CFAP74: variants seen among roughly 807,000 people sequenced by gnomAD.
CFAP74 encodes cilia and flagella associated protein 74.
CFAP74 carries 124 observed loss-of-function variants against 188.9 expected under a neutral mutation model. That is an observed-to-expected ratio of 0.66 (90% confidence interval 0.57 to 0.76). The LOEUF (loss-of-function observed/expected upper bound fraction) is 0.76, where lower values mean the gene tolerates loss of function less well. Ranked by LOEUF, CFAP74 falls within the 30% of genes least tolerant of loss-of-function variation. The pLI is 0.00. For missense variants in CFAP74, 2,198 were observed against 2,165.2 expected, an observed-to-expected ratio of 1.02 and a Z score of -0.30; for synonymous variants, 956 against 916.7, an observed-to-expected ratio of 1.04 and a Z score of -0.77.
chr1:1,936,207 T>G (rs1570850563), intron 25 of CFAP74, among the ~76,000 whole-genome samples: 1 of 129,024 alleles, frequency 7.8e-6, no homozygotes, highest in Admixed American at 8.0e-5. Context: ...ACAAGAGCGA[T>G]GCTCCGTCTC....
rs756130262 is a variant in CFAP74 at position 1,947,092 on chromosome 1, G to T, written c.2177-38C>A. The T allele has an allele frequency of 1.6e-5, 23 of 1,472,854 alleles. No homozygotes were observed. In the South Asian group the frequency reaches 2.2e-4, roughly 14 times the overall value. 91.2% of individuals were successfully genotyped at this position (1,472,854 alleles called of 1,614,324 possible). On this transcript the variant is annotated intron_variant, in intron 18 of 38. Coordinates refer to ENST00000682832, the MANE Select transcript of CFAP74 (RefSeq NM_001304360.2). ...GGGGATCCAGAGGTGAGGGTTGGCAGGGTGGAGGCAGTGTGGCCCAGGCCC... is the reference window on the plus strand; with the variant it reads ...GGGGATCCAGAGGTGAGGGTTGGCATGGTGGAGGCAGTGTGGCCCAGGCCC...
intron 1 of CFAP74, among the ~76,000 whole-genome samples, chr1:1,992,608 G>C (rs957407978): frequency 6.6e-6 from 1 of 151,588 alleles, no homozygotes; most frequent in East Asian, 2.0e-4. Context: ...CGAGTAGCTG[G>C]GACTACAGGC....
intron 1 of CFAP74, among the ~76,000 whole-genome samples, chr1:1,999,833 C>T (rs1264341622): frequency 6.8e-6 from 1 of 147,850 alleles, no homozygotes; most frequent in Non-Finnish European, 1.5e-5. Flanking sequence ...ATAAACAAAA[C>T]CAAATCTTTT....
At position 1,941,972 on chromosome 1, in the gene CFAP74, C is replaced by G. The variant is rs75302349; in HGVS notation, c.2615+56G>C. On this transcript the variant is annotated intron_variant, in intron 22 of 38. Transcript: ENST00000682832. ...GAGTGGCCAGTGGCGAGGAGCGCCT[C>G]GGAGCCCACAACCTCCCACGTCCTC... 1.7e-3 allele frequency: 2,335 copies of G among 1,414,646 alleles called. 6 individuals carry two copies. The highest frequency in any genetic ancestry group is 2.0e-3 in the Non-Finnish European group (2,222 of 1,086,230). 87.6% of individuals were successfully genotyped at this position (1,414,646 alleles called of 1,614,324 possible). A position where few individuals can be genotyped will look rare whatever the true frequency, so the allele number is the denominator to read the frequency against.
chr1:1,923,232 A>T lies in CFAP74; in HGVS notation c.4523-87T>A. 1 of 1,503,454 alleles carries T rather than the reference A, an allele frequency of 6.7e-7. No homozygotes were observed. The highest frequency in any genetic ancestry group is 8.9e-7 in the Non-Finnish European group (1 of 1,118,064). 93.1% of individuals were successfully genotyped at this position (1,503,454 alleles called of 1,614,324 possible). A position where few individuals can be genotyped will look rare whatever the true frequency, so the allele number is the denominator to read the frequency against. On this transcript the variant is annotated intron_variant, in intron 36 of 38. Transcript: ENST00000682832. This position sits in a 1 kb window ranked among gnomAD's most constrained non-coding sequence, Gnocchi z 6.3. ...GCTGGACTCCTGAACTCTGGTTAGC[A>T]GTGGCTGTCCTGCTTGGCTCTGGGG...
chr1:1,968,782 A>G lies in CFAP74; in HGVS notation c.1098T>C (p.Ile366=), dbSNP rs767460293. The change falls in exon 11 of 39, where the codon ATT becomes ATC. Residue 366 remains isoleucine, a synonymous_variant. Coordinates refer to ENST00000682832, the MANE Select transcript of CFAP74 (RefSeq NM_001304360.2). This position sits in a 1 kb window ranked among gnomAD's most constrained non-coding sequence, Gnocchi z 4.3. ...KLRKQEIISR[I]LKEEAEEEKR... is the part of the protein sequence containing the mutation. The stretch of plus-strand genomic sequence containing the variant: ...TTTCCTCCTCAGCCTCCTCTTTCAG[A>G]ATCCGACTGATGATCTCCTGCTTTC... 1 of 1,614,066 alleles carries G rather than the reference A, an allele frequency of 6.2e-7. No individual in the cohort carries two copies. The highest frequency in any genetic ancestry group is 2.2e-5 in the East Asian group (1 of 44,868).
At position 1,975,734 on chromosome 1, in the gene CFAP74, C is replaced by T. The variant is rs1656394610; in HGVS notation, c.501-1536G>A. On this transcript the variant is annotated intron_variant, in intron 6 of 38. Coordinates refer to ENST00000682832, the MANE Select transcript of CFAP74 (RefSeq NM_001304360.2). The surrounding 1 kb of genome is among the most constrained non-coding windows in gnomAD (Gnocchi z 4.5). Reference sequence around the variant, plus strand: ...TTATTTCTATTCCTCCCTCGCGTGACTCATGAAATTCTTTAATCTGAGGAT... The same window carrying T: ...TTATTTCTATTCCTCCCTCGCGTGATTCATGAAATTCTTTAATCTGAGGAT... Among the ~76,000 whole-genome samples the T allele has an allele frequency of 6.6e-6, 1 of 152,096 alleles. No homozygotes were observed. Among genetic ancestry groups the T allele is most frequent in the Admixed American group, 6.6e-5 (1 of 15,256 alleles).
intron 10 of CFAP74, among the ~76,000 whole-genome samples, chr1:1,970,021 G>C (rs1438524673): frequency 6.6e-6 from 1 of 152,256 alleles, no homozygotes; most frequent in Admixed American, 6.5e-5. Context: ...GAGCGGGAGA[G>C]AGGGGCCTTG....
chr1:1,968,779 C>T lies in CFAP74; in HGVS notation c.1101G>A (p.Leu367=), dbSNP rs1266197530. Residue 367 remains leucine, a synonymous_variant, in exon 11 of 39, where the codon CTG becomes CTA. Coordinates refer to ENST00000682832, the MANE Select transcript of CFAP74 (RefSeq NM_001304360.2). This position sits in a 1 kb window ranked among gnomAD's most constrained non-coding sequence, Gnocchi z 4.3. ...LRKQEIISRI[L]KEEAEEEKRK... is the part of the protein sequence containing the mutation. The stretch of plus-strand genomic sequence containing the variant: ...TCTTTTCCTCCTCAGCCTCCTCTTT[C>T]AGAATCCGACTGATGATCTCCTGCT... 1 of 1,614,126 alleles carries T rather than the reference C, an allele frequency of 6.2e-7. No individual in the cohort carries two copies. The highest frequency in any genetic ancestry group is 1.7e-5 in the Admixed American group (1 of 60,016).
intron 24 of CFAP74, among the ~76,000 whole-genome samples, chr1:1,939,226 G>A (rs145167488): frequency 6.6e-6 from 1 of 152,372 alleles, no homozygotes; most frequent in Non-Finnish European, 1.5e-5. Flanking sequence ...GTGTGTGTGT[G>A]CTGGGGGGAG....
At chr1:1,991,850 T>G (rs529138263) in intron 1 of CFAP74, among the ~76,000 whole-genome samples, 30 of 151,878 alleles carry the variant, frequency 2.0e-4, no homozygotes, top group South Asian at 6.2e-4. Flanking sequence ...CTATCCTGGC[T>G]AGCACAGTGA....
chr1:1,968,019 AAT>A lies in CFAP74; in HGVS notation c.1245+614_1245+615del, dbSNP rs1655599733. Among the ~76,000 whole-genome samples, 1 of 151,878 alleles carries A rather than the reference AAT, an allele frequency of 6.6e-6. No individual in the cohort carries two copies. Among genetic ancestry groups the A allele is most frequent in the Admixed American group, 6.5e-5 (1 of 15,274 alleles). The stretch of plus-strand genomic sequence containing the variant: ...GAATGAGTGAGCGAATGAGTGAATG[AAT>A]GAGTGAATGAGTGAATGAATAAGTG... On this transcript the variant is annotated intron_variant, in intron 11 of 38. Transcript: ENST00000682832. This position sits in a 1 kb window ranked among gnomAD's most constrained non-coding sequence, Gnocchi z 4.3.
At chr1:1,954,791 A>G (rs1016113729) in intron 18 of CFAP74, 13 of 1,106,112 alleles carry the variant, frequency 1.2e-5, no homozygotes, top group Non-Finnish European at 1.4e-5. Context: ...CATAAAAAGA[A>G]CTCACTTTGG....
intron 9 of CFAP74, among the ~76,000 whole-genome samples, chr1:1,971,229 G>A (rs1022431937): frequency 4.3e-5 from 6 of 138,360 alleles, no homozygotes; most frequent in Non-Finnish European, 7.7e-5. Context: ...ACGCGTGCAC[G>A]CCTGCACACA....
rs553292069 is a variant in CFAP74, at chr1:1,933,956, G to A, written c.3012-3620C>T. Among the ~76,000 whole-genome samples, 18 of 152,318 alleles carry A rather than the reference G, an allele frequency of 1.2e-4. 1 individual carries two copies. In the East Asian group the frequency reaches 2.1e-3, roughly 18 times the overall value. ...GAGGTGCTGCTCTGACAGCCCGCAG[G>A]CCTCAAACCTGATGGGTCCAACATG... On this transcript the variant is annotated intron_variant, in intron 25 of 38. Transcript: ENST00000682832.
intron 1 of CFAP74, among the ~76,000 whole-genome samples, chr1:1,998,265 G>A (rs974312897): frequency 4.6e-5 from 7 of 152,260 alleles, no homozygotes; most frequent in Admixed American, 6.5e-5. Flanking sequence ...GTGACAGAGC[G>A]AGACTTCATC....
chr1:1,993,831 A>G (rs1657748773), intron 1 of CFAP74, among the ~76,000 whole-genome samples: 2 of 147,674 alleles, frequency 1.4e-5, no homozygotes, highest in Non-Finnish European at 3.0e-5. Context: ...AAATACAAAA[A>G]ATTAGCCGGG....
chr1:1,958,844 A>G (rs747626391), intron 16 of CFAP74, among the ~76,000 whole-genome samples: 2 of 152,072 alleles, frequency 1.3e-5, no homozygotes, highest in Admixed American at 6.5e-5. Context: ...AGTTTTCCTG[A>G]GCCACAGGCC....
At position 1,960,133 on chromosome 1, in the gene CFAP74, C is replaced by T. The variant is rs991505484; in HGVS notation, c.1695-103G>A. ...CAGGCTGGGCCTCCTGGCCTCCTCCCCATCCCGGGCCTGGCCCCCTGCCCA... is the reference window on the plus strand; with the variant it reads ...CAGGCTGGGCCTCCTGGCCTCCTCCTCATCCCGGGCCTGGCCCCCTGCCCA... On this transcript the variant is annotated intron_variant, in intron 14 of 38. Transcript: ENST00000682832. 3.1e-5 allele frequency: 30 copies of T among 965,024 alleles called. No homozygotes were observed. The African/African-American group carries it at 3.3e-4, about 11-fold the overall frequency. The allele number at this position is 965,024 out of a possible 1,614,324, so 59.8% of individuals were successfully genotyped here. A position where few individuals can be genotyped will look rare whatever the true frequency, so the allele number is the denominator to read the frequency against.
Sources: gnomAD v4.1 joint callset for allele counts (sites outside exome capture counted in the v4.1 genomes callset) on GRCh38, gnomAD v4.1.1 for gene constraint, Gnocchi (gnomAD v3.1) non-coding constraint, MANE v1.5 for transcripts, NCBI Gene and HGNC (gene_info 2026-07-23, HGNC 2026-07-21) for gene names.